Variants in HMCN1 observed in about 807,000 individuals in gnomAD.
HMCN1 encodes the protein hemicentin 1.
HMCN1 carries 321 observed loss-of-function variants against 625.9 expected under a neutral mutation model. That is an observed-to-expected ratio of 0.51 (90% confidence interval 0.47 to 0.56). HMCN1 has a LOEUF of 0.56. Ranked by LOEUF, HMCN1 falls within the 20% of genes least tolerant of loss-of-function variation. The pLI is 0.00. For missense variants in HMCN1, 6,588 were observed against 6,887.3 expected, an observed-to-expected ratio of 0.96 and a Z score of 1.54; for synonymous variants, 2,425 against 2,417.6, an observed-to-expected ratio of 1.00 and a Z score of -0.09.
At chr1:186,113,204 T>C (rs1660971427) in intron 72 of HMCN1, among the ~76,000 whole-genome samples, 1 of 152,242 alleles carries the variant, frequency 6.6e-6, no homozygotes, top group African/African-American at 2.4e-5. Context: ...CATGATGTTT[T>C]CTGTCATTCA....
At chr1:186,002,203 T>A (rs1653246779) in intron 28 of HMCN1, among the ~76,000 whole-genome samples, 1 of 152,096 alleles carries the variant, frequency 6.6e-6, no homozygotes, top group Admixed American at 6.6e-5. Context: ...TGTAACTAAG[T>A]CAGTCCTGAT....
Position 185,919,074 on chromosome 1 carries a change from C to CAT in HMCN1, c.901-3289_901-3288dup, listed in dbSNP as rs60205431. Reference sequence around the variant, plus strand: ...AATTTTGGCCTCACTAATTTTAGGACATATATATATATATATAATTTTATT... The same window carrying CAT: ...AATTTTGGCCTCACTAATTTTAGGACATATATATATATATATATAATTTTATT... On this transcript the variant is annotated intron_variant, in intron 6 of 106. Transcript: ENST00000271588. 5.6e-3 allele frequency among the ~76,000 whole-genome samples: 817 copies of CAT among 146,082 alleles called. 6 individuals are homozygous for CAT. Among genetic ancestry groups the CAT allele is most frequent in the Middle Eastern group, 0.014 (4 of 284 alleles).
At chr1:186,023,219 A>C in intron 36 of HMCN1, 66 bp downstream of exon 36, 29 of 1,386,828 alleles carry the variant, frequency 2.1e-5, no homozygotes, top group Non-Finnish European at 2.7e-5. Context: ...TAGTGGGCTC[A>C]TTTTTATTGA....
chr1:185,867,334 G>T (rs892019008), intron 4 of HMCN1, among the ~76,000 whole-genome samples: 2 of 152,132 alleles, frequency 1.3e-5, no homozygotes, highest in African/African-American at 2.4e-5. Context: ...TTGGGAACCT[G>T]GGAAGAAAGG....
Position 185,865,738 on chromosome 1 carries a change from T to A in HMCN1, c.499-3T>A. 6.2e-7 allele frequency: 1 copy of A among 1,604,308 alleles called. No homozygotes were observed. The highest frequency in any genetic ancestry group is 8.5e-7 in the Non-Finnish European group (1 of 1,173,726). On this transcript the variant is annotated splice_polypyrimidine_tract_variant and splice_region_variant and intron_variant, in intron 3 of 106. Coordinates refer to ENST00000271588, the MANE Select transcript of HMCN1 (RefSeq NM_031935.3). ...CTGTTTCTTTTTTTTTTTTTAATCATAGGTCGTATTTGTTCTGACTGGAGA... is the reference window on the plus strand; with the variant it reads ...CTGTTTCTTTTTTTTTTTTTAATCAAAGGTCGTATTTGTTCTGACTGGAGA...
intron 6 of HMCN1, among the ~76,000 whole-genome samples, chr1:185,918,209 C>T (rs775791727): frequency 2.6e-5 from 4 of 152,060 alleles, no homozygotes; most frequent in African/African-American, 4.8e-5. Flanking sequence ...GCAGAGAAGC[C>T]GACAGTGAAG....
intron 11 of HMCN1, 56 bp downstream of exon 11, chr1:185,933,880 A>C (rs1571580232): frequency 6.5e-7 from 1 of 1,547,254 alleles, no homozygotes; most frequent in South Asian, 1.1e-5. Flanking sequence ...CTATTTTTAA[A>C]ATTTTTGTCC....
intron 20 of HMCN1, 79 bp downstream of exon 20, chr1:185,987,623 G>A (rs1267022414): frequency 1.0e-6 from 1 of 955,492 alleles, no homozygotes; most frequent in Non-Finnish European, 1.7e-6. Flanking sequence ...TCTTGAGCAG[G>A]AGGCTCAGGA....
At chr1:185,908,858 A>G (rs1362783330) in intron 4 of HMCN1, among the ~76,000 whole-genome samples, 1 of 149,324 alleles carries the variant, frequency 6.7e-6, no homozygotes, top group African/African-American at 2.4e-5. Context: ...AATATAGTAT[A>G]ATACAATAAT....
At position 186,087,848 on chromosome 1, in the gene HMCN1, C is replaced by G. The variant is rs1659604523; in HGVS notation, c.9364-84C>G. The G allele has an allele frequency of 3.1e-6, 4 of 1,300,842 alleles. No homozygotes were observed. In the Admixed American group the frequency reaches 6.8e-5, roughly 22 times the overall value. 80.6% of individuals were successfully genotyped at this position (1,300,842 alleles called of 1,614,324 possible). On this transcript the variant is annotated intron_variant, in intron 60 of 106. Transcript: ENST00000271588. ...ACTGGGGCATTGAGCATACAGATGA[C>G]TGATGATTTAATCTAAACTCGAACA... is the stretch of plus-strand genomic sequence containing the variant.
intron 2 of HMCN1, among the ~76,000 whole-genome samples, chr1:185,854,539 T>C (rs1662346916): frequency 1.3e-5 from 2 of 152,174 alleles, no homozygotes; most frequent in Admixed American, 1.3e-4. Context: ...CAGCTTTCTT[T>C]GGCAGGCATA....
At chr1:186,096,250 C>T (rs2891229) in intron 68 of HMCN1, among the ~76,000 whole-genome samples, 91,010 of 151,804 alleles carry the variant, frequency 0.6, 28,200 homozygotes, top group African/African-American at 0.77. Context: ...TATGTTTCAG[C>T]GTGTGTTATA....
chr1:186,083,783 G>A (rs980589488), intron 57 of HMCN1, among the ~76,000 whole-genome samples: 1 of 151,984 alleles, frequency 6.6e-6, no homozygotes, highest in Non-Finnish European at 1.5e-5. Context: ...AGCAGTATTT[G>A]GTGTTTGTGT....
Position 186,128,215 on chromosome 1 carries a change from G to C in HMCN1, c.12828G>C (p.Gln4276His). 4 of 1,613,646 alleles carry C rather than the reference G, an allele frequency of 2.5e-6. No homozygotes were observed. The highest frequency in any genetic ancestry group is 3.4e-6 in the Non-Finnish European group (4 of 1,179,714). ...ACGTGTCATTAAATAAAGGAGAACA[G>C]CTACGATTAAGCTGTAAAGCTACTG... ...PGDVSLNKGE[Q>H]LRLSCKATGI... The change falls in exon 83 of 107, where the codon CAG (glutamine) becomes CAC (histidine). Residue 4276 changes from glutamine (Q) to histidine (H), a missense_variant. Around this residue, in one of 3 missense-constraint regions of HMCN1, gnomAD observed 1,954 missense variants for 2,013.1 expected, o/e 0.97. Coordinates refer to ENST00000271588, the MANE Select transcript of HMCN1 (RefSeq NM_031935.3).
chr1:186,005,474 ATTGT>A (rs1052936580), intron 29 of HMCN1, among the ~76,000 whole-genome samples: 7 of 150,728 alleles, frequency 4.6e-5, no homozygotes, highest in Admixed American at 3.3e-4. Context: ...CAAGTTTTTA[ATTGT>A]TTAAATTGTT....
At chr1:185,875,284 T>A (rs1375504919) in intron 4 of HMCN1, among the ~76,000 whole-genome samples, 1 of 152,038 alleles carries the variant, frequency 6.6e-6, no homozygotes, top group Non-Finnish European at 1.5e-5. Flanking sequence ...GTGAAGCCAT[T>A]TCCACTAACA....
chr1:186,157,354 T>C (rs1651090681), intron 97 of HMCN1, among the ~76,000 whole-genome samples: 1 of 152,174 alleles, frequency 6.6e-6, no homozygotes, highest in East Asian at 1.9e-4. Context: ...CTTTATAATA[T>C]GAAAATCAAT....
intron 30 of HMCN1, among the ~76,000 whole-genome samples, chr1:186,013,806 T>G (rs1356852756): frequency 2.6e-5 from 4 of 152,188 alleles, no homozygotes; most frequent in Non-Finnish European, 4.4e-5. Flanking sequence ...TAGTACTGGA[T>G]GTAACCCAAG....
intron 82 of HMCN1, among the ~76,000 whole-genome samples, chr1:186,126,144 A>C (rs1454575691): frequency 6.6e-6 from 1 of 152,054 alleles, no homozygotes; most frequent in African/African-American, 2.4e-5. Flanking sequence ...CTATATTTTC[A>C]ATTCTTTAGT....
Sources: gnomAD v4.1 joint callset for allele counts (sites outside exome capture counted in the v4.1 genomes callset) on GRCh38, gnomAD v4.1.1 for gene constraint, gnomAD v4.1.1 regional missense constraint, MANE v1.5 for transcripts, NCBI Gene and HGNC (gene_info 2026-07-23, HGNC 2026-07-21) for gene names.